The following EXOC6 variants were observed in gnomAD, a reference collection of about 807,000 sequenced individuals.
EXOC6 encodes exocyst complex component 6, also known as SEC15-like 1.
EXOC6 carries 60 observed loss-of-function variants against 112.5 expected under a neutral mutation model. The observed-to-expected ratio is 0.53, with a 90% CI of 0.43 to 0.66. The LOEUF (loss-of-function observed/expected upper bound fraction) is 0.66, where lower values mean the gene tolerates loss of function less well. Ranked by LOEUF, EXOC6 falls within the 30% of genes least tolerant of loss-of-function variation. EXOC6 has a pLI of 0.00. For synonymous variants in EXOC6, 295 were observed against 308.0 expected (o/e 0.96, Z 0.44); for missense variants, 855 against 957.1 (o/e 0.89, Z 1.41).
intron 12 of EXOC6, among the ~76,000 whole-genome samples, chr10:92,940,412 T>C (rs1283232061): frequency 6.6e-6 from 1 of 152,158 alleles, no homozygotes; most frequent in Non-Finnish European, 1.5e-5. Flanking sequence ...GACACTGTTA[T>C]GTAAAAACTT....
intron 18 of EXOC6, among the ~76,000 whole-genome samples, chr10:92,991,468 A>G (rs1234177798): frequency 2.7e-5 from 4 of 149,598 alleles, no homozygotes; most frequent in Admixed American, 1.3e-4. Context: ...AGTTAGGGTG[A>G]GTTTGGCAAT....
Position 93,058,392 on chromosome 10 carries a change from T to G in EXOC6, c.*37T>G, listed in dbSNP as rs199853603. On this transcript the variant is annotated 3_prime_UTR_variant, in exon 22 of 22. Coordinates refer to ENST00000260762, the MANE Select transcript of EXOC6 (RefSeq NM_019053.6). ...CTTGCACTCAGTGACACCAAATCCA[T>G]GATTCAATGTTGATCTTGAGCAAGT... The G allele has an allele frequency of 3.9e-6, 6 of 1,537,442 alleles. No individual in the cohort carries two copies. The Admixed American group carries it at 1.2e-4, about 30-fold the overall frequency.
chr10:92,949,379 A>G (rs1361403841), intron 14 of EXOC6, among the ~76,000 whole-genome samples: 1 of 152,186 alleles, frequency 6.6e-6, no homozygotes, highest in Non-Finnish European at 1.5e-5. Context: ...CCTATTAGCT[A>G]TGTTTTAATA....
chr10:92,944,036 A>G (rs1564850123), intron 13 of EXOC6, among the ~76,000 whole-genome samples: 2 of 152,208 alleles, frequency 1.3e-5, no homozygotes, highest in Non-Finnish European at 2.9e-5. Flanking sequence ...GTCACTTAGC[A>G]TAATGTCCTC....
intron 13 of EXOC6, among the ~76,000 whole-genome samples, chr10:92,947,726 G>A (rs941945836): frequency 2.0e-5 from 3 of 152,160 alleles, no homozygotes; most frequent in African/African-American, 7.2e-5. Flanking sequence ...TGGCTAACAC[G>A]GTGAAACCCC....
chr10:92,986,603 C>A (rs1476920487), intron 18 of EXOC6, among the ~76,000 whole-genome samples: 6 of 150,358 alleles, frequency 4.0e-5, no homozygotes, highest in South Asian at 2.1e-4. Context: ...AGTTCAGCTT[C>A]CACTAATACA....
At chr10:93,018,400 A>T (rs181237184) in intron 20 of EXOC6, among the ~76,000 whole-genome samples, 11 of 152,338 alleles carry the variant, frequency 7.2e-5, no homozygotes, top group Admixed American at 7.2e-4. Flanking sequence ...AAAACATTAG[A>T]ATATACAAAA....
At chr10:92,850,409 T>G (rs1487961698) in intron 1 of EXOC6, among the ~76,000 whole-genome samples, 5 of 152,260 alleles carry the variant, frequency 3.3e-5, no homozygotes, top group Non-Finnish European at 7.3e-5. Context: ...CATATATATG[T>G]ATATTTGTGT....
chr10:92,995,270 T>G (rs1843437917), intron 18 of EXOC6, among the ~76,000 whole-genome samples: 3 of 152,184 alleles, frequency 2.0e-5, no homozygotes, highest in African/African-American at 4.8e-5. Context: ...TGGAATAGCC[T>G]GTGTCTACTC....
chr10:92,893,011 C>A (rs1280042037), intron 1 of EXOC6, among the ~76,000 whole-genome samples: 1 of 152,138 alleles, frequency 6.6e-6, no homozygotes, highest in Non-Finnish European at 1.5e-5. Flanking sequence ...CTGTAAAAAT[C>A]ATGAGTTTGT....
At chr10:93,000,013 AT>A (rs1843683286) in intron 19 of EXOC6, among the ~76,000 whole-genome samples, 1 of 152,142 alleles carries the variant, frequency 6.6e-6, no homozygotes, top group African/African-American at 2.4e-5. Flanking sequence ...CCTGTGCCTA[AT>A]TTTTAAGTTA....
At chr10:92,945,588 A>C (rs1478976012) in intron 13 of EXOC6, among the ~76,000 whole-genome samples, 2 of 152,192 alleles carry the variant, frequency 1.3e-5, no homozygotes, top group African/African-American at 4.8e-5. Flanking sequence ...TTAGAATATA[A>C]ATGTGCCTTT....
At chr10:92,933,897 T>C (rs915409353) in intron 9 of EXOC6, among the ~76,000 whole-genome samples, 1 of 152,150 alleles carries the variant, frequency 6.6e-6, no homozygotes, top group Admixed American at 6.5e-5. Context: ...CAGCTTTGAT[T>C]AGTCTGCTGA....
At chr10:92,955,180 A>T (rs1054071892) in intron 16 of EXOC6, among the ~76,000 whole-genome samples, 1 of 152,170 alleles carries the variant, frequency 6.6e-6, no homozygotes, top group African/African-American at 2.4e-5. Context: ...TCTCTGGAAG[A>T]AAAAATAAAA....
intron 13 of EXOC6, among the ~76,000 whole-genome samples, chr10:92,945,061 T>C (rs2094232): frequency 0.78 from 119,079 of 152,090 alleles, 47,894 homozygotes; most frequent in East Asian, 1. Context: ...TGCGAGCCAC[T>C]GTGCCTGGCC....
In EXOC6 at chr10:92,948,371, C is replaced by G. The variant is rs1389840338; in HGVS notation, c.1408C>G (p.Leu470Val). ...ISKFPFQDPD[L>V]EKQSFPKKFP... is the part of the protein sequence containing the mutation. ...CAAATTTCCCTTTCAAGATCCAGAC[C>G]TTGAAAAGGTACAAGCTAGTTTTTA... The change falls in exon 14 of 22, where the codon CTT becomes GTT. Residue 470 changes from leucine to valine, a missense_variant. Coordinates refer to ENST00000260762, the MANE Select transcript of EXOC6 (RefSeq NM_019053.6). The G allele has an allele frequency of 6.4e-7, 1 of 1,570,136 alleles. No individual in the cohort carries two copies. The highest frequency in any genetic ancestry group is 1.2e-5 in the South Asian group (1 of 86,222).
intron 15 of EXOC6, 41 bp downstream of exon 15, chr10:92,952,423 T>C (rs774291395): frequency 3.4e-6 from 4 of 1,178,030 alleles, no homozygotes; most frequent in African/African-American, 1.5e-5. Flanking sequence ...TCATAACTTT[T>C]ATGAAACATT....
rs114557558 is a variant in EXOC6 at position 92,983,664 on chromosome 10, G to A, written c.1953+9432G>A. Among the ~76,000 whole-genome samples the A allele has an allele frequency of 2.2e-3, 339 of 151,856 alleles. 1 individual carries two copies. Among genetic ancestry groups the A allele is most frequent in the African/African-American group, 7.5e-3 (312 of 41,434 alleles). ...GATAATTACAGGCGTGCGCCACCAC[G>A]CCCTACTAATTTTTGTAGTTTTAGT... On this transcript the variant is annotated intron_variant, in intron 18 of 21. Transcript: ENST00000260762.
rs142931301 is a variant in EXOC6 at position 93,022,092 on chromosome 10, T to G, written c.2169+7825T>G. ...CATTTGACAGCATAGAAGGCCTCTTTACAAGTATATAGCTCACTAGGGAAT... is the reference window on the plus strand; with the variant it reads ...CATTTGACAGCATAGAAGGCCTCTTGACAAGTATATAGCTCACTAGGGAAT... On this transcript the variant is annotated intron_variant, in intron 20 of 21. Transcript: ENST00000260762. Among the ~76,000 whole-genome samples the G allele has an allele frequency of 6.7e-3, 1,025 of 152,342 alleles. 19 individuals are homozygous for G. Among genetic ancestry groups the G allele is most frequent in the African/African-American group, 0.023 (974 of 41,582 alleles).
Sources: gnomAD v4.1 joint callset for allele counts (sites outside exome capture counted in the v4.1 genomes callset) on GRCh38, gnomAD v4.1.1 for gene constraint, MANE v1.5 for transcripts, NCBI Gene and HGNC (gene_info 2026-07-23, HGNC 2026-07-21) for gene names.